The following PIP5K1B variants were observed in gnomAD, a reference collection of about 807,000 sequenced individuals.
The protein encoded by PIP5K1B is phosphatidylinositol-4-phosphate 5-kinase type 1 beta, also known as phosphatidylinositol 4-phosphate 5-kinase type-1 beta.
PIP5K1B carries 42 observed loss-of-function variants against 67.0 expected under a neutral mutation model. The observed-to-expected ratio is 0.63, with a 90% CI of 0.49 to 0.81. The LOEUF is 0.81. Ranked by LOEUF, PIP5K1B falls within the 30% of genes least tolerant of loss-of-function variation. The pLI is 0.00. For missense variants in PIP5K1B, 459 were observed against 646.3 expected (o/e 0.71, Z 3.14); for synonymous variants, 214 against 231.4 (o/e 0.92, Z 0.68).
chr9:68,821,249 C>T (rs1833716344), intron 3 of PIP5K1B, among the ~76,000 whole-genome samples: 1 of 152,166 alleles, frequency 6.6e-6, no homozygotes, highest in Non-Finnish European at 1.5e-5. Flanking sequence ...AAGTGAGACC[C>T]TGTCTCAAAA....
At chr9:68,959,732 C>T (rs1828613914) in intron 14 of PIP5K1B, among the ~76,000 whole-genome samples, 1 of 152,192 alleles carries the variant, frequency 6.6e-6, no homozygotes, top group South Asian at 2.1e-4. Context: ...CATTATATTT[C>T]CTTATACTTT....
chr9:68,981,392 C>A (rs1212840415), intron 14 of PIP5K1B, among the ~76,000 whole-genome samples: 1 of 135,452 alleles, frequency 7.4e-6, no homozygotes, highest in Non-Finnish European at 1.5e-5. Flanking sequence ...ACCCCTGATT[C>A]ATCAAAAGAC....
intron 1 of PIP5K1B, among the ~76,000 whole-genome samples, chr9:68,724,670 GT>G (rs374640185): frequency 2.7e-5 from 4 of 150,662 alleles, no homozygotes; most frequent in African/African-American, 4.9e-5. Context: ...TTATTACTAG[GT>G]TTTTTTTTGT....
intron 15 of PIP5K1B, among the ~76,000 whole-genome samples, chr9:68,994,041 T>A (rs1015079859): frequency 4.1e-5 from 6 of 147,744 alleles, no homozygotes; most frequent in African/African-American, 1.5e-4. Flanking sequence ...TCCTGAATTT[T>A]TTTTTTTTTT....
intron 2 of PIP5K1B, among the ~76,000 whole-genome samples, chr9:68,770,292 T>A (rs528711961): frequency 3.3e-5 from 5 of 152,228 alleles, no homozygotes; most frequent in Non-Finnish European, 5.9e-5. Context: ...TCATTATACC[T>A]ACTCCTCTCC....
At chr9:68,757,752 A>G (rs1037945360) in intron 2 of PIP5K1B, among the ~76,000 whole-genome samples, 9 of 152,198 alleles carry the variant, frequency 5.9e-5, no homozygotes, top group African/African-American at 1.2e-4. Context: ...AACTGGGTAT[A>G]TAAGTCTACT....
chr9:68,736,487 C>T (rs1183817668), intron 1 of PIP5K1B, among the ~76,000 whole-genome samples: 4 of 152,156 alleles, frequency 2.6e-5, no homozygotes, highest in Non-Finnish European at 4.4e-5. Context: ...AAACTTACCA[C>T]AAATGGAATG....
rs551045955 is a variant in PIP5K1B at position 68,774,551 on chromosome 9, C to T, written c.-86+31894C>T. 7.2e-5 allele frequency among the ~76,000 whole-genome samples: 11 copies of T among 152,234 alleles called. No homozygotes were observed. In the South Asian group the frequency reaches 8.3e-4, roughly 11 times the overall value. On this transcript the variant is annotated intron_variant, in intron 2 of 15. Coordinates refer to ENST00000265382, the MANE Select transcript of PIP5K1B (RefSeq NM_003558.4). Reference sequence around the variant, plus strand: ...TTTAAGATCTAACTTTATATAGAAACGTGTATACATTTCAAATAGTTTGAT... The same window carrying T: ...TTTAAGATCTAACTTTATATAGAAATGTGTATACATTTCAAATAGTTTGAT...
chr9:68,839,385 C>T (rs536179460), intron 4 of PIP5K1B, among the ~76,000 whole-genome samples: 6 of 151,880 alleles, frequency 4.0e-5, no homozygotes, highest in Admixed American at 6.6e-5. Context: ...TGCCTTGGGA[C>T]GGGGAAAGAG....
At chr9:68,752,610 A>G (rs955321432) in intron 2 of PIP5K1B, among the ~76,000 whole-genome samples, 1 of 151,134 alleles carries the variant, frequency 6.6e-6, no homozygotes. Flanking sequence ...ATGCAGAAAA[A>G]TCATGTTTCT....
At chr9:68,880,208 AGT>A (rs1332129337) in intron 6 of PIP5K1B, among the ~76,000 whole-genome samples, 1 of 152,194 alleles carries the variant, frequency 6.6e-6, no homozygotes. Flanking sequence ...TAGATACATG[AGT>A]GTTAATTTCA....
chr9:68,881,533 G>A (rs1824200093), intron 6 of PIP5K1B, among the ~76,000 whole-genome samples: 1 of 152,216 alleles, frequency 6.6e-6, no homozygotes, highest in African/African-American at 2.4e-5. Flanking sequence ...ATACTTAGGT[G>A]TGATATTGAA....
At chr9:68,816,602 G>A (rs907935415) in intron 2 of PIP5K1B, among the ~76,000 whole-genome samples, 2 of 152,176 alleles carry the variant, frequency 1.3e-5, no homozygotes, top group East Asian at 1.9e-4. Flanking sequence ...GTCAATGTTT[G>A]GAACAGAGTA....
At chr9:68,788,444 T>A in intron 2 of PIP5K1B, 1 of 481,848 alleles carries the variant, frequency 2.1e-6, no homozygotes, top group Non-Finnish European at 3.8e-6. Flanking sequence ...CAAGTTAATT[T>A]TATCATATTA....
intron 14 of PIP5K1B, among the ~76,000 whole-genome samples, chr9:68,979,498 G>T (rs565599339): frequency 6.7e-6 from 1 of 149,626 alleles, no homozygotes; most frequent in Non-Finnish European, 1.5e-5. Context: ...TTGGATGAGG[G>T]TTCCTCTTTA....
chr9:68,992,722 C>A (rs1199225188), intron 15 of PIP5K1B, among the ~76,000 whole-genome samples: 1 of 151,260 alleles, frequency 6.6e-6, no homozygotes, highest in Non-Finnish European at 1.5e-5. Flanking sequence ...TGTCTGTAGT[C>A]CCAGCTACTT....
In PIP5K1B at chr9:68,802,005, A is replaced by T. The variant is rs939592614; in HGVS notation, c.-85-16456A>T. Among the ~76,000 whole-genome samples, 3 of 152,220 alleles carry T rather than the reference A, an allele frequency of 2.0e-5. No homozygotes were observed. The East Asian group carries it at 5.8e-4, about 29-fold the overall frequency. ...TGGGCATCTCTGGATGAGAAGATTG[A>T]TGGCTCCTTTTATTTTCTTTGTGAT... is the stretch of plus-strand genomic sequence containing the variant. On this transcript the variant is annotated intron_variant, in intron 2 of 15. Coordinates refer to ENST00000265382, the MANE Select transcript of PIP5K1B (RefSeq NM_003558.4).
chr9:68,912,769 A>G (rs1293780259), intron 8 of PIP5K1B, among the ~76,000 whole-genome samples: 2 of 152,220 alleles, frequency 1.3e-5, no homozygotes, highest in Non-Finnish European at 2.9e-5. Flanking sequence ...TCCTGCTAGC[A>G]GTAAGACAGA....
At chr9:68,874,113 T>C (rs1382347941) in intron 5 of PIP5K1B, among the ~76,000 whole-genome samples, 2 of 152,230 alleles carry the variant, frequency 1.3e-5, no homozygotes, top group Non-Finnish European at 2.9e-5. Flanking sequence ...AATTACGCCA[T>C]GAAGCAACAT....
Sources: allele counts gnomAD v4.1 joint callset (sites outside exome capture counted in the v4.1 genomes callset), GRCh38; gene constraint gnomAD v4.1.1; transcripts MANE v1.5; gene names NCBI Gene and HGNC (gene_info 2026-07-23, HGNC 2026-07-21).